Variants in LPA observed in about 807,000 individuals in gnomAD.
LPA encodes apolipoprotein(a).
Under a neutral mutation model 197.9 loss-of-function variants are expected in LPA, and 199 were observed. The observed-to-expected ratio is 1.01, with a 90% confidence interval of 0.90 to 1.13. The LOEUF (loss-of-function observed/expected upper bound fraction) is 1.13. Ranked by LOEUF, LPA falls within the 50% of genes most tolerant of loss-of-function variation. LPA has a pLI of 0.00. For synonymous variants in LPA, 715 were observed against 639.5 expected, an observed-to-expected ratio of 1.12 and a Z score of -1.78; for missense variants, 1,853 against 1,785.8, an observed-to-expected ratio of 1.04 and a Z score of -0.68.
intron 21 of LPA, 120 bp downstream of exon 21, chr6:160,595,234 C>T (rs1276490477): frequency 4.6e-6 from 6 of 1,290,796 alleles, no homozygotes; most frequent in East Asian, 2.3e-5. Flanking sequence ...AGTGGCTGAC[C>T]CTGAGTCCAC....
intron 16 of LPA, among the ~76,000 whole-genome samples, chr6:160,610,049 G>A (rs1262785468): frequency 6.6e-6 from 1 of 151,868 alleles, no homozygotes; most frequent in East Asian, 1.9e-4. Context: ...TTAAATATCT[G>A]AAATCAGTTA....
intron 24 of LPA, 25 bp downstream of exon 24, chr6:160,589,528 C>G: frequency 6.2e-7 from 1 of 1,612,276 alleles, no homozygotes; most frequent in Non-Finnish European, 8.5e-7. Flanking sequence ...GGCTGTTTCT[C>G]TTGGGAGAAA....
chr6:160,647,289 T>C (rs188716407), intron 2 of LPA, among the ~76,000 whole-genome samples: 4 of 152,288 alleles, frequency 2.6e-5, no homozygotes, highest in East Asian at 1.9e-4. Flanking sequence ...GCAAAGCAGC[T>C]GAGGAGTTTG....
intron 1 of LPA, among the ~76,000 whole-genome samples, chr6:160,657,052 T>C (rs1308520616): frequency 6.6e-6 from 1 of 152,248 alleles, no homozygotes; most frequent in Admixed American, 6.5e-5. Flanking sequence ...ACTTGGCCCC[T>C]GCCACCTCAG....
At chr6:160,560,438 T>A (rs1365813252) in intron 28 of LPA, among the ~76,000 whole-genome samples, 1 of 152,186 alleles carries the variant, frequency 6.6e-6, no homozygotes, top group Non-Finnish European at 1.5e-5. Flanking sequence ...TCTCCACACA[T>A]CCTCTTCAGC....
intron 20 of LPA, among the ~76,000 whole-genome samples, chr6:160,596,198 C>G (rs1487192057): frequency 2.0e-5 from 3 of 152,194 alleles, no homozygotes; most frequent in Non-Finnish European, 1.5e-5. Flanking sequence ...TCCTCTGTTA[C>G]TCCAGATGGT....
At chr6:160,659,488 C>A (rs1003333083) in intron 1 of LPA, among the ~76,000 whole-genome samples, 2 of 152,182 alleles carry the variant, frequency 1.3e-5, no homozygotes, top group African/African-American at 4.8e-5. Flanking sequence ...AAGCCAGGAG[C>A]CTTGCCTGGT....
chr6:160,565,541 C>T (rs1471036358), intron 28 of LPA, among the ~76,000 whole-genome samples: 1 of 152,120 alleles, frequency 6.6e-6, no homozygotes, highest in African/African-American at 2.4e-5. Flanking sequence ...TCATCAAGAA[C>T]CAAAGGTAGA....
intron 32 of LPA, 23 bp downstream of exon 32, chr6:160,547,765 AG>A: frequency 6.2e-7 from 1 of 1,613,892 alleles, no homozygotes; most frequent in Non-Finnish European, 8.5e-7. Context: ...AAAGGGAAAA[AG>A]AGTCCAAATC....
chr6:160,609,522 G>GT (rs559435190), intron 16 of LPA, among the ~76,000 whole-genome samples: 5 of 151,604 alleles, frequency 3.3e-5, no homozygotes, highest in Admixed American at 2.0e-4. Flanking sequence ...GCATCATGTA[G>GT]TTTTTTTTCT....
chr6:160,587,250 A>G (rs1284951035), intron 24 of LPA, among the ~76,000 whole-genome samples: 1 of 152,194 alleles, frequency 6.6e-6, no homozygotes, highest in Non-Finnish European at 1.5e-5. Flanking sequence ...CTGTTTAGCC[A>G]GACTTTGGCC....
intron 26 of LPA, among the ~76,000 whole-genome samples, chr6:160,580,115 A>G (rs1396156830): frequency 6.6e-6 from 1 of 152,216 alleles, no homozygotes; most frequent in Non-Finnish European, 1.5e-5. Flanking sequence ...ATAAACTCAC[A>G]TGAATGGACT....
chr6:160,587,470 T>G (rs1272124780), intron 24 of LPA, among the ~76,000 whole-genome samples: 1 of 152,170 alleles, frequency 6.6e-6, no homozygotes, highest in East Asian at 1.9e-4. Context: ...GAACCCCCTT[T>G]TTTTCTTTTT....
At chr6:160,573,241 G>T (rs921813626) in intron 28 of LPA, among the ~76,000 whole-genome samples, 1 of 151,906 alleles carries the variant, frequency 6.6e-6, no homozygotes, top group Non-Finnish European at 1.5e-5. Flanking sequence ...ACTTTCCAGA[G>T]CATGTCACAT....
intron 38 of LPA, among the ~76,000 whole-genome samples, chr6:160,532,158 A>G: frequency 6.6e-6 from 1 of 151,936 alleles, no homozygotes; most frequent in East Asian, 1.9e-4. Flanking sequence ...TTTCCTTTAG[A>G]CTGGGCTAGC....
At chr6:160,556,762 A>G (rs906744721) in intron 29 of LPA, among the ~76,000 whole-genome samples, 1 of 152,166 alleles carries the variant, frequency 6.6e-6, no homozygotes, top group South Asian at 2.1e-4. Flanking sequence ...CCTGCATTGC[A>G]ACAAAGCAGA....
At chr6:160,541,604 G>A (rs1777982905) in intron 34 of LPA, among the ~76,000 whole-genome samples, 1 of 152,218 alleles carries the variant, frequency 6.6e-6, no homozygotes, top group African/African-American at 2.4e-5. Context: ...CTGAGCAGCA[G>A]TGACTCATGA....
At chr6:160,565,570 A>G (rs1029544847) in intron 28 of LPA, among the ~76,000 whole-genome samples, 1 of 152,216 alleles carries the variant, frequency 6.6e-6, no homozygotes, top group Non-Finnish European at 1.5e-5. Context: ...AAAGATGGGG[A>G]GAAACCAGAG....
In LPA at chr6:160,595,521, T is replaced by C; in HGVS notation, c.3302A>G (p.Asn1101Ser). The C allele has an allele frequency of 1.2e-6, 2 of 1,613,986 alleles. No homozygotes were observed. The highest frequency in any genetic ancestry group is 1.7e-6 in the Non-Finnish European group (2 of 1,179,936). Reference sequence around the variant, plus strand: ...CTCAGCATCTGGATTCCTGCAGTAGTTCCTGGTCAGGCCACTGCAAATTTC... The same window carrying C: ...CTCAGCATCTGGATTCCTGCAGTAGCTCCTGGTCAGGCCACTGCAAATTTC... ...ENYPNAGLTR[N>S]YCRNPDAEIR... The change falls in exon 21 of 39, where the codon AAC (asparagine) becomes AGC (serine). Residue 1101 changes from asparagine to serine, a missense_variant. Transcript: ENST00000316300.
Sources: allele counts gnomAD v4.1 joint callset (sites outside exome capture counted in the v4.1 genomes callset), GRCh38; gene constraint gnomAD v4.1.1; transcripts MANE v1.5; gene names NCBI Gene and HGNC (gene_info 2026-07-23, HGNC 2026-07-21).